Variants in APBB1IP observed in about 807,000 individuals in gnomAD.
APBB1IP encodes the protein amyloid beta precursor protein binding family B member 1 interacting protein.
APBB1IP carries 27 observed loss-of-function variants against 64.9 expected under a neutral mutation model. The ratio of observed to expected loss-of-function variants is 0.42; its 90% CI spans 0.31 to 0.57. The LOEUF is 0.57. Ranked by LOEUF, APBB1IP falls within the 20% of genes least tolerant of loss-of-function variation. The pLI, the probability that APBB1IP is intolerant of heterozygous loss-of-function variation, is 0.20. For synonymous variants in APBB1IP, 392 were observed against 331.0 expected (o/e 1.18, Z -2.00); for missense variants, 812 against 845.5 (o/e 0.96, Z 0.49).
intron 2 of APBB1IP, among the ~76,000 whole-genome samples, chr10:26,464,400 T>G (rs1033355457): frequency 2.4e-4 from 36 of 152,072 alleles, no homozygotes; most frequent in Admixed American, 3.3e-4. Flanking sequence ...CGTGACAAAT[T>G]TATTTTATTT....
chr10:26,541,830 C>A, intron 11 of APBB1IP, 138 bp downstream of exon 11: 2 of 573,758 alleles, frequency 3.5e-6, no homozygotes, highest in East Asian at 3.3e-5. Flanking sequence ...ATGAGGGAAA[C>A]ATTTCTATCA....
At chr10:26,562,608 G>A (rs967497234) in intron 14 of APBB1IP, among the ~76,000 whole-genome samples, 179 bp downstream of exon 14, 7 of 151,804 alleles carry the variant, frequency 4.6e-5, no homozygotes, top group African/African-American at 1.5e-4. Context: ...GACCAGACTG[G>A]GCAATATAGC....
At chr10:26,543,397 G>T (rs1488809149) in intron 11 of APBB1IP, among the ~76,000 whole-genome samples, 1 of 151,392 alleles carries the variant, frequency 6.6e-6, no homozygotes, top group Non-Finnish European at 1.5e-5. Context: ...AACCCGGGAG[G>T]CGGAGGTTGC....
At chr10:26,527,259 C>A (rs1371942865) in intron 8 of APBB1IP, among the ~76,000 whole-genome samples, 4 of 151,900 alleles carry the variant, frequency 2.6e-5, no homozygotes, top group Admixed American at 2.0e-4. Context: ...TGAAAGGCAA[C>A]CTTAGAGGCC....
At chr10:26,503,393 T>C (rs1836130891) in intron 6 of APBB1IP, 119 bp downstream of exon 6, 1 of 892,596 alleles carries the variant, frequency 1.1e-6, no homozygotes, top group Non-Finnish European at 1.7e-6. Context: ...CCCAGCACTT[T>C]GGGAGGACAA....
chr10:26,467,720 G>A (rs553276442), intron 2 of APBB1IP, among the ~76,000 whole-genome samples: 1 of 152,194 alleles, frequency 6.6e-6, no homozygotes. Flanking sequence ...TTGAGGTGGG[G>A]CCAAGAATTT....
intron 11 of APBB1IP, among the ~76,000 whole-genome samples, chr10:26,552,268 C>T (rs986993342): frequency 6.6e-6 from 1 of 152,172 alleles, no homozygotes; most frequent in African/African-American, 2.4e-5. Context: ...TACTGCACTC[C>T]AGCCGGGGCA....
Position 26,567,583 on chromosome 10 carries a change from A to G in APBB1IP, c.*95A>G. The G allele has an allele frequency of 6.9e-7, 1 of 1,459,578 alleles. No individual in the cohort carries two copies. The highest frequency in any genetic ancestry group is 1.4e-5 in the African/African-American group (1 of 70,382). The allele number at this position is 1,459,578 out of a possible 1,614,324, so 90.4% of individuals were successfully genotyped here. A position where few individuals can be genotyped will look rare whatever the true frequency, so the allele number is the denominator to read the frequency against. ...TGCCCTGACATCTTGTTCATTTCAG[A>G]TAAAATGTGATGGGAAACTTCTCAC... On this transcript the variant is annotated 3_prime_UTR_variant, in exon 15 of 15. Coordinates refer to ENST00000376236, the MANE Select transcript of APBB1IP (RefSeq NM_019043.4).
intron 2 of APBB1IP, among the ~76,000 whole-genome samples, chr10:26,477,420 C>T (rs1478706852): frequency 2.0e-5 from 3 of 152,148 alleles, no homozygotes; most frequent in African/African-American, 7.2e-5. Context: ...CATTTTTTCA[C>T]CTACCCTGGA....
intron 7 of APBB1IP, among the ~76,000 whole-genome samples, chr10:26,512,692 G>A (rs74323782): frequency 0.022 from 3,340 of 152,070 alleles, 118 homozygotes; most frequent in African/African-American, 0.077. Flanking sequence ...CTGCAGCCTC[G>A]AGCTCCTGGG....
At chr10:26,464,647 G>C (rs1191057432) in intron 2 of APBB1IP, among the ~76,000 whole-genome samples, 5 of 152,180 alleles carry the variant, frequency 3.3e-5, no homozygotes, top group Non-Finnish European at 7.3e-5. Context: ...GGCCTCAAGA[G>C]ATCCTCCCAC....
intron 2 of APBB1IP, among the ~76,000 whole-genome samples, chr10:26,474,194 A>G (rs932113738): frequency 6.6e-6 from 1 of 152,116 alleles, no homozygotes; most frequent in African/African-American, 2.4e-5. Context: ...CAGAGAGTGT[A>G]TGAAGTGGTG....
chr10:26,549,764 G>A, intron 11 of APBB1IP, among the ~76,000 whole-genome samples: 1 of 151,198 alleles, frequency 6.6e-6, no homozygotes, highest in East Asian at 1.9e-4. Context: ...CTTACTCTTT[G>A]TTTTATTAAT....
At chr10:26,544,752 A>G (rs527876184) in intron 11 of APBB1IP, among the ~76,000 whole-genome samples, 16 of 152,332 alleles carry the variant, frequency 1.1e-4, no homozygotes, top group Non-Finnish European at 2.1e-4. Context: ...TGGGACTAGG[A>G]CCTACAATTG....
chr10:26,518,254 ATT>A (rs60123054), intron 8 of APBB1IP, among the ~76,000 whole-genome samples: 29 of 139,246 alleles, frequency 2.1e-4, no homozygotes, highest in African/African-American at 3.2e-4. Context: ...CGCCCAGCCT[ATT>A]TTTTTTTTTT....
chr10:26,564,613 G>GACTGAGT (rs1837016407), intron 14 of APBB1IP, among the ~76,000 whole-genome samples: 1 of 152,072 alleles, frequency 6.6e-6, no homozygotes, highest in Non-Finnish European at 1.5e-5. Flanking sequence ...GACCAGAGTG[G>GACTGAGT]CCAATATGTA....
chr10:26,472,654 G>A (rs1023050782), intron 2 of APBB1IP, among the ~76,000 whole-genome samples: 2 of 151,932 alleles, frequency 1.3e-5, no homozygotes, highest in Non-Finnish European at 2.9e-5. Flanking sequence ...AAACATCTTG[G>A]CCAGGCACAG....
chr10:26,462,132 G>C (rs1287078973), intron 2 of APBB1IP, among the ~76,000 whole-genome samples: 1 of 152,174 alleles, frequency 6.6e-6, no homozygotes, highest in African/African-American at 2.4e-5. Flanking sequence ...GACTTGTGTG[G>C]TTCTGACAAA....
At chr10:26,528,386 T>G (rs531059316) in intron 8 of APBB1IP, among the ~76,000 whole-genome samples, 2 of 152,216 alleles carry the variant, frequency 1.3e-5, no homozygotes, top group Admixed American at 1.3e-4. Context: ...GGAAATCTAT[T>G]CTTATTCTTT....
Sources: allele counts gnomAD v4.1 joint callset (sites outside exome capture counted in the v4.1 genomes callset), GRCh38; gene constraint gnomAD v4.1.1; transcripts MANE v1.5; gene names NCBI Gene and HGNC (gene_info 2026-07-23, HGNC 2026-07-21).